C3: variants seen among roughly 807,000 people sequenced by gnomAD.
C3 encodes the protein complement C3.
C3 carries 97 observed loss-of-function variants against 207.9 expected under a neutral mutation model. The ratio of observed to expected loss-of-function variants is 0.47; its 90% CI spans 0.40 to 0.55. The LOEUF (loss-of-function observed/expected upper bound fraction) is 0.55. C3 is among the 20% of genes least tolerant of loss of function. The pLI, the probability that C3 is intolerant of heterozygous loss-of-function variation, is 0.00. For synonymous variants in C3, 848 were observed against 857.6 expected (o/e 0.99, Z 0.20); for missense variants, 1,684 against 2,171.7 (o/e 0.78, Z 4.46).
chr19:6,710,573 G>A (rs1967897229), intron 13 of C3, 66 bp downstream of exon 13: 2 of 1,029,150 alleles, frequency 1.9e-6, no homozygotes, highest in Non-Finnish European at 2.9e-6. Context: ...GAGGAGACAG[G>A]GAGAGAGAGA....
rs377055759 is a variant in C3, at chr19:6,718,418, C to T, written c.268-6G>A. On this transcript the variant is annotated splice_polypyrimidine_tract_variant and splice_region_variant and intron_variant, in intron 2 of 40. Coordinates refer to ENST00000245907, the MANE Select transcript of C3 (RefSeq NM_000064.4). ...AACTCCCTGTTGGCTGGGATCTAGG[C>T]GTGGGCAGGGCATTGTCAGGGGTCT... 2.7e-5 allele frequency: 44 copies of T among 1,614,174 alleles called. No individual in the cohort carries two copies. In the South Asian group the frequency reaches 3.8e-4, roughly 14 times the overall value.
rs1048121390 is a variant in C3, at chr19:6,719,843, C to G, written c.75-440G>C. Among the ~76,000 whole-genome samples the G allele has an allele frequency of 6.6e-6, 1 of 152,124 alleles. No homozygotes were observed. The highest frequency in any genetic ancestry group is 1.5e-5 in the Non-Finnish European group (1 of 68,020). ...CCCGGACACCCTCAACTCTACCTAC[C>G]CAAACCCACATACGCCAAAACCTCT... On this transcript the variant is annotated intron_variant, in intron 1 of 40. Coordinates refer to ENST00000245907, the MANE Select transcript of C3 (RefSeq NM_000064.4). The surrounding 1 kb of genome is among the most constrained non-coding windows in gnomAD (Gnocchi z 5.4).
chr19:6,686,440 A>T lies in C3; in HGVS notation c.3647-153T>A, dbSNP rs1367498795. 4 of 814,922 alleles carry T rather than the reference A, an allele frequency of 4.9e-6. No individual in the cohort carries two copies. The East Asian group carries it at 7.4e-5, about 15-fold the overall frequency. The allele number at this position is 814,922 out of a possible 1,614,324, so 50.5% of individuals were successfully genotyped here. A position where few individuals can be genotyped will look rare whatever the true frequency, so the allele number is the denominator to read the frequency against. On this transcript the variant is annotated intron_variant, in intron 28 of 40. Transcript: ENST00000245907. The stretch of plus-strand genomic sequence containing the variant: ...CTCTCAATTACTTGGCTCCTGCCTT[A>T]CCTCTCTTGTTTCATCAACTCTCAC...
chr19:6,680,579 T>C (rs1007766724), intron 35 of C3, among the ~76,000 whole-genome samples: 2 of 152,156 alleles, frequency 1.3e-5, no homozygotes, highest in African/African-American at 4.8e-5. Flanking sequence ...TCCTAAGGAT[T>C]GCAGAGCCAC....
Position 6,714,256 on chromosome 19 carries a change from G to A in C3, c.600-8C>T. The A allele has an allele frequency of 6.2e-7, 1 of 1,613,760 alleles. No homozygotes were observed. The highest frequency in any genetic ancestry group is 2.2e-5 in the East Asian group (1 of 44,830). On this transcript the variant is annotated splice_polypyrimidine_tract_variant and splice_region_variant and intron_variant, in intron 5 of 40. Coordinates refer to ENST00000245907, the MANE Select transcript of C3 (RefSeq NM_000064.4). ...ATCTTCCACTGGCCCATGCTGTGAG[G>A]AGGGCGGATGAGTGGTCTCTCAGGC...
Position 6,718,319 on chromosome 19 carries a change from C to G in C3, c.361G>C (p.Val121Leu). 2 of 1,614,232 alleles carry G rather than the reference C, an allele frequency of 1.2e-6. No homozygotes were observed. The highest frequency in any genetic ancestry group is 1.7e-6 in the Non-Finnish European group (2 of 1,180,036). Residue 121 changes from valine (V) to leucine (L), a missense_variant, in exon 3 of 41, where the codon GTG becomes CTG. By Grantham distance (32) the Val-to-Leu change is conservative. Coordinates refer to ENST00000245907, the MANE Select transcript of C3 (RefSeq NM_000064.4). ...TACCCGCTCTGCAGGCTGACCAGCA[C>G]CACCTTCTCCACCACTTGGGTCCCG... ...TFGTQVVEKV[V>L]LVSLQSGYLF...
chr19:6,688,047 G>A (rs1043139284), intron 27 of C3, among the ~76,000 whole-genome samples: 10 of 151,144 alleles, frequency 6.6e-5, no homozygotes, highest in African/African-American at 2.4e-4. Context: ...TAGTAGAGAC[G>A]GGGTTTCACC....
Position 6,710,933 on chromosome 19 carries a change from G to A in C3, c.1479+54C>T. ...CGGGATGGGGGAAGGAGTCCCAGGG[G>A]TGCGGAAGAAACAAGGAGGAGGCGG... On this transcript the variant is annotated intron_variant, in intron 12 of 40. Coordinates refer to ENST00000245907, the MANE Select transcript of C3 (RefSeq NM_000064.4). 8 of 1,602,704 alleles carry A rather than the reference G, an allele frequency of 5.0e-6. No homozygotes were observed. The Admixed American group carries it at 5.0e-5, about 10-fold the overall frequency.
chr19:6,718,433 G>A (rs1968090512), intron 2 of C3, 21 bp from the exon 3 acceptor site: 2 of 1,614,026 alleles, frequency 1.2e-6, no homozygotes, highest in Non-Finnish European at 1.7e-6. Context: ...GCAGGGCATT[G>A]TCAGGGGTCT....
intron 11 of C3, among the ~76,000 whole-genome samples, chr19:6,711,401 G>A (rs1044177915): frequency 2.2e-4 from 34 of 152,128 alleles, no homozygotes; most frequent in Non-Finnish European, 2.9e-5. Context: ...GCAGGGGCAG[G>A]GGAGAAAGGA....
In C3 at chr19:6,714,061, A is replaced by G. The variant is rs1967980617; in HGVS notation, c.704T>C (p.Ile235Thr). ...KEYVLPSFEV[I>T]VEPTEKFYYI... ...GTAGAATTTCTCTGTAGGCTCCACTATGACCTCGAAACTGGGCAGCACTGG... is the reference window on the plus strand; with the variant it reads ...GTAGAATTTCTCTGTAGGCTCCACTGTGACCTCGAAACTGGGCAGCACTGG... Residue 235 changes from isoleucine (I) to threonine (T), a missense_variant, in exon 7 of 41, where the codon ATA becomes ACA. Ile to Thr is a moderately conservative substitution (Grantham distance 89). Coordinates refer to ENST00000245907, the MANE Select transcript of C3 (RefSeq NM_000064.4). The G allele has an allele frequency of 1.9e-6, 3 of 1,611,978 alleles. No individual in the cohort carries two copies. In the African/African-American group the frequency reaches 4.0e-5, roughly 22 times the overall value.
chr19:6,700,849 TATTATAATTA>T (rs934404162), intron 19 of C3, among the ~76,000 whole-genome samples: 8 of 146,854 alleles, frequency 5.4e-5, no homozygotes, highest in African/African-American at 2.0e-4. Flanking sequence ...TATAAATAAA[TATTATAATTA>T]AATTTATTAT....
At chr19:6,690,561 A>C in intron 27 of C3, 68 bp downstream of exon 27, 1 of 1,259,062 alleles carries the variant, frequency 7.9e-7, no homozygotes, top group Admixed American at 1.7e-5. Flanking sequence ...GCAACCTCTC[A>C]CTCTCCAAGG....
At chr19:6,710,035 GAGAGAA>G (rs1344420648) in intron 13 of C3, among the ~76,000 whole-genome samples, 193 bp from the exon 14 acceptor site, 34 of 147,792 alleles carry the variant, frequency 2.3e-4, no homozygotes, top group South Asian at 4.4e-4. Context: ...GCGGGAGAGA[GAGAGAA>G]AGGGAGAGAC....
At position 6,702,549 on chromosome 19, in the gene C3, T is replaced by A; in HGVS notation, c.2276A>T (p.Glu759Val). 1 of 1,613,974 alleles carries A rather than the reference T, an allele frequency of 6.2e-7. No homozygotes were observed. The highest frequency in any genetic ancestry group is 8.5e-7 in the Non-Finnish European group (1 of 1,179,762). The part of the protein sequence containing the change: ...SNLDEDIIAE[E>V]NIVSRSEFPE... ...GAACTCACTTCGGGAAACGATGTTC[T>A]CTTCTGCAATGATGTCCTCATCCAG... The change falls in exon 18 of 41, where the codon GAG becomes GTG. Residue 759 changes from glutamate to valine, a missense_variant. By Grantham distance (121) the Glu-to-Val change is moderately radical. This residue lies in a region of C3 where 1,280 missense variants were observed against 1,739.1 expected (regional missense o/e 0.74). Transcript: ENST00000245907.
chr19:6,720,518 G>T lies in C3; in HGVS notation c.72C>A (p.Pro24=). 6.3e-7 allele frequency: 1 copy of T among 1,588,080 alleles called. No homozygotes were observed. The highest frequency in any genetic ancestry group is 2.3e-5 in the East Asian group (1 of 43,930). ...LTHLPLALGS[P]MYSIITPNIL... ...TGGGTAGAGTCATAACCACTCACATGGGACTCCCCAGAGCCAGGGGGAGGT... is the reference window on the plus strand; with the variant it reads ...TGGGTAGAGTCATAACCACTCACATTGGACTCCCCAGAGCCAGGGGGAGGT... Residue 24 remains proline, a splice_region_variant and synonymous_variant, in exon 1 of 41, where the codon CCC becomes CCA. Transcript: ENST00000245907.
chr19:6,681,044 A>G (rs991710660), intron 35 of C3, among the ~76,000 whole-genome samples: 1 of 152,028 alleles, frequency 6.6e-6, no homozygotes, highest in African/African-American at 2.4e-5. Flanking sequence ...TACAAAAAAT[A>G]AAACAATCAG....
rs1181042031 is a variant in C3, at chr19:6,684,380, C to G, written c.4172+8G>C. 6.2e-7 allele frequency: 1 copy of G among 1,612,872 alleles called. No homozygotes were observed. The highest frequency in any genetic ancestry group is 1.7e-5 in the Admixed American group (1 of 60,024). On this transcript the variant is annotated splice_region_variant and intron_variant, in intron 33 of 40. Coordinates refer to ENST00000245907, the MANE Select transcript of C3 (RefSeq NM_000064.4). ...GCCAAGATGAACCCCGGTGACCTAG[C>G]TTCTTACCTGGTACAGATCTCAAGG...
chr19:6,686,334 C>T, intron 28 of C3, 47 bp from the exon 29 acceptor site: 1 of 1,604,666 alleles, frequency 6.2e-7, no homozygotes, highest in South Asian at 1.1e-5. Flanking sequence ...TCTGTCCAGC[C>T]TGGGGATGGC....
Sources: allele counts gnomAD v4.1 joint callset (sites outside exome capture counted in the v4.1 genomes callset), GRCh38; gene constraint gnomAD v4.1.1; regional missense constraint gnomAD v4.1.1; non-coding constraint Gnocchi (gnomAD v3.1); transcripts MANE v1.5; gene names NCBI Gene and HGNC (gene_info 2026-07-23, HGNC 2026-07-21).